Variants in SNX6 observed in about 807,000 individuals in gnomAD.
The protein encoded by SNX6 is sorting nexin 6.
A neutral mutation model predicts 63.0 loss-of-function variants in SNX6; 34 were observed. The observed-to-expected ratio is 0.54, with a 90% CI of 0.41 to 0.72. SNX6 has a LOEUF of 0.72. Among genes scored for constraint, SNX6 ranks in the 30% least tolerant of loss-of-function variants. The pLI is 0.00. For missense variants in SNX6, 398 were observed against 471.4 expected (o/e 0.84, Z 1.44); for synonymous variants, 170 against 164.2 (o/e 1.04, Z -0.27).
intron 10 of SNX6, among the ~76,000 whole-genome samples, chr14:34,577,276 A>G (rs1881748700): frequency 6.6e-6 from 1 of 151,084 alleles, no homozygotes; most frequent in Non-Finnish European, 1.5e-5. Context: ...TTTAGTAGAG[A>G]CGGGGTTTTG....
At chr14:34,580,208 A>G (rs1881880571) in intron 10 of SNX6, among the ~76,000 whole-genome samples, 1 of 152,152 alleles carries the variant, frequency 6.6e-6, no homozygotes, top group South Asian at 2.1e-4. Context: ...ACAAACAAAA[A>G]ACAAAACAAA....
chr14:34,609,480 CAA>C (rs398024759), intron 3 of SNX6, among the ~76,000 whole-genome samples, 156 bp downstream of exon 3: 2,079 of 64,756 alleles, frequency 0.032, 26 homozygotes, highest in African/African-American at 0.14. Context: ...GACTCCGTCT[CAA>C]AAAAAAAAAA....
intron 2 of SNX6, among the ~76,000 whole-genome samples, chr14:34,622,531 CG>C (rs1371735150): frequency 2.8e-5 from 4 of 145,442 alleles, no homozygotes; most frequent in Non-Finnish European, 6.0e-5. Flanking sequence ...TGCAGTGAGC[CG>C]AGATCGTGCC....
At chr14:34,564,762 G>C (rs1458246794) in intron 13 of SNX6, among the ~76,000 whole-genome samples, 1 of 151,478 alleles carries the variant, frequency 6.6e-6, no homozygotes, top group Non-Finnish European at 1.5e-5. Flanking sequence ...GGGAGGCAGA[G>C]GTTGCAGTGA....
At chr14:34,594,885 C>T (rs1208688558) in intron 7 of SNX6, among the ~76,000 whole-genome samples, 2 of 151,808 alleles carry the variant, frequency 1.3e-5, no homozygotes, top group Non-Finnish European at 2.9e-5. Context: ...ATCACTTGAG[C>T]CCAGGAGTTC....
intron 8 of SNX6, among the ~76,000 whole-genome samples, chr14:34,588,949 C>T (rs1882282743): frequency 6.6e-6 from 1 of 152,024 alleles, no homozygotes; most frequent in Non-Finnish European, 1.5e-5. Flanking sequence ...GCCTGGCCAA[C>T]ATGGCAAAAC....
chr14:34,563,230 C>T, intron 13 of SNX6, 55 bp from the exon 14 acceptor site: 1 of 1,482,344 alleles, frequency 6.7e-7, no homozygotes, highest in Non-Finnish European at 9.4e-7. Context: ...ATTCAGAAGA[C>T]TCCTACTGAA....
At chr14:34,587,266 C>T (rs1051998736) in intron 8 of SNX6, among the ~76,000 whole-genome samples, 1 of 151,764 alleles carries the variant, frequency 6.6e-6, no homozygotes, top group Non-Finnish European at 1.5e-5. Flanking sequence ...GGCACGGTGG[C>T]TCATGCCTGT....
Position 34,623,293 on chromosome 14 carries a change from C to A in SNX6, c.54+6614G>T, listed in dbSNP as rs189760280. On this transcript the variant is annotated intron_variant, in intron 2 of 13. Coordinates refer to ENST00000362031, the MANE Select transcript of SNX6 (RefSeq NM_152233.4). ...GAGGGGGAAAAAAAACACTGAAATGCATGCATAAAACAGACAGTCAAGTGT... is the reference window on the plus strand; with the variant it reads ...GAGGGGGAAAAAAAACACTGAAATGAATGCATAAAACAGACAGTCAAGTGT... 3.3e-5 allele frequency among the ~76,000 whole-genome samples: 5 copies of A among 152,104 alleles called. No homozygotes were observed. The East Asian group carries it at 9.7e-4, about 29-fold the overall frequency.
At chr14:34,585,379 G>C (rs1240325231) in intron 9 of SNX6, among the ~76,000 whole-genome samples, 1 of 151,914 alleles carries the variant, frequency 6.6e-6, no homozygotes, top group African/African-American at 2.4e-5. Flanking sequence ...AATTAGCCAG[G>C]CATGGTGGCA....
At chr14:34,578,355 C>G (rs1881793620) in intron 10 of SNX6, among the ~76,000 whole-genome samples, 1 of 151,894 alleles carries the variant, frequency 6.6e-6, no homozygotes, top group Non-Finnish European at 1.5e-5. Flanking sequence ...AGGCTGGCAC[C>G]TTAATAAGGC....
intron 7 of SNX6, among the ~76,000 whole-genome samples, chr14:34,593,367 G>A (rs1482701790): frequency 1.3e-5 from 2 of 151,268 alleles, no homozygotes; most frequent in Admixed American, 6.6e-5. Flanking sequence ...TGAAGGCTTA[G>A]TGCTCCCCAT....
At chr14:34,574,422 T>G (rs1438244714) in intron 11 of SNX6, among the ~76,000 whole-genome samples, 1 of 150,980 alleles carries the variant, frequency 6.6e-6, no homozygotes, top group Non-Finnish European at 1.5e-5. Context: ...GGCCAAGGCA[T>G]GCAGATCACC....
chr14:34,563,394 TA>T (rs1177129666), intron 13 of SNX6, among the ~76,000 whole-genome samples: 17 of 151,770 alleles, frequency 1.1e-4, no homozygotes, highest in Admixed American at 9.8e-4. Flanking sequence ...CCATCTCTAC[TA>T]AAAAATACAA....
At chr14:34,587,307 C>T (rs1882205964) in intron 8 of SNX6, among the ~76,000 whole-genome samples, 1 of 151,520 alleles carries the variant, frequency 6.6e-6, no homozygotes, top group Non-Finnish European at 1.5e-5. Flanking sequence ...CCAAGGCGGG[C>T]AGATCATGAG....
chr14:34,582,677 C>A (rs1881990841), intron 9 of SNX6, among the ~76,000 whole-genome samples: 1 of 152,096 alleles, frequency 6.6e-6, no homozygotes, highest in Non-Finnish European at 1.5e-5. Flanking sequence ...TCCTAAGTAG[C>A]TGGCATTACA....
At chr14:34,625,587 T>G (rs558782487) in intron 2 of SNX6, among the ~76,000 whole-genome samples, 51 of 152,020 alleles carry the variant, frequency 3.4e-4, no homozygotes, top group African/African-American at 1.1e-3. Context: ...ACAAAAAAAT[T>G]AGCCAGGCCT....
At chr14:34,594,607 C>G (rs1882528319) in intron 7 of SNX6, among the ~76,000 whole-genome samples, 1 of 152,110 alleles carries the variant, frequency 6.6e-6, no homozygotes, top group Non-Finnish European at 1.5e-5. Flanking sequence ...AGTGACCCAC[C>G]TGCCTCAGCC....
chr14:34,624,657 G>A (rs1292540076), intron 2 of SNX6, among the ~76,000 whole-genome samples: 1 of 151,658 alleles, frequency 6.6e-6, no homozygotes, highest in Admixed American at 6.6e-5. Flanking sequence ...TTAGCTGGGC[G>A]TGGTGGCGTG....
Sources: gnomAD v4.1 joint callset for allele counts (sites outside exome capture counted in the v4.1 genomes callset) on GRCh38, gnomAD v4.1.1 for gene constraint, MANE v1.5 for transcripts, NCBI Gene and HGNC (gene_info 2026-07-23, HGNC 2026-07-21) for gene names.